FBXL17: variants seen among roughly 807,000 people sequenced by gnomAD.
The protein encoded by FBXL17 is F-box/LRR-repeat protein 17.
FBXL17 carries 22 observed loss-of-function variants against 66.2 expected under a neutral mutation model. The observed-to-expected ratio is 0.33, with a 90% confidence interval of 0.24 to 0.47. The LOEUF (loss-of-function observed/expected upper bound fraction) is 0.47, where lower values mean the gene tolerates loss of function less well. Among genes scored for constraint, FBXL17 ranks in the 20% least tolerant of loss-of-function variants. The probability of loss-of-function intolerance (pLI) is 1.00; values close to 1 mark genes in which losing one functional copy is unlikely to be tolerated. For synonymous variants in FBXL17, 474 were observed against 400.5 expected (o/e 1.18, Z -2.19); for missense variants, 878 against 948.2 (o/e 0.93, Z 0.97).
At chr5:107,885,422 T>G (rs949813150) in intron 7 of FBXL17, among the ~76,000 whole-genome samples, 1 of 152,190 alleles carries the variant, frequency 6.6e-6, no homozygotes, top group Non-Finnish European at 1.5e-5. Context: ...TCTGACAATA[T>G]ACCTCTAATA....
chr5:108,197,907 A>T (rs1753742365), intron 5 of FBXL17, among the ~76,000 whole-genome samples: 1 of 152,180 alleles, frequency 6.6e-6, no homozygotes, highest in South Asian at 2.1e-4. Flanking sequence ...CTCAACCCCA[A>T]GTTAATAAAA....
chr5:107,893,782 G>T (rs1201605615), intron 7 of FBXL17, among the ~76,000 whole-genome samples: 1 of 152,074 alleles, frequency 6.6e-6, no homozygotes, highest in Non-Finnish European at 1.5e-5. Context: ...CTGGAGTTTT[G>T]CCACCATTGA....
rs756600796 is a variant in FBXL17, at chr5:107,881,082, C to T, written c.1920G>A (p.Gln640=). 2.5e-6 allele frequency: 4 copies of T among 1,614,094 alleles called. No homozygotes were observed. Among genetic ancestry groups the T allele is most frequent in the Non-Finnish European group, 2.5e-6 (3 of 1,179,968 alleles). The stretch of plus-strand genomic sequence containing the variant: ...CCAAATATCTCAGAGACTTGCTGCT[C>T]TGTGCAATCAGGGTGGCTCCTTGGT... ...ITDQGATLIA[Q]SSKSLRYLGL... is the part of the protein sequence containing the mutation. Residue 640 remains glutamine (Q), a synonymous_variant, in exon 8 of 9, where the codon CAG becomes CAA. Transcript: ENST00000542267.
chr5:108,100,028 T>A (rs1472675568), intron 6 of FBXL17, among the ~76,000 whole-genome samples: 1 of 152,176 alleles, frequency 6.6e-6, no homozygotes, highest in Non-Finnish European at 1.5e-5. Flanking sequence ...TAACCTATAT[T>A]AGAAATTAAA....
chr5:108,061,681 C>A (rs1223193396), intron 6 of FBXL17, among the ~76,000 whole-genome samples: 1 of 152,082 alleles, frequency 6.6e-6, no homozygotes, highest in Non-Finnish European at 1.5e-5. Flanking sequence ...TGGATTATGA[C>A]AAGAATGCAC....
At chr5:108,099,114 C>A (rs1159376751) in intron 6 of FBXL17, among the ~76,000 whole-genome samples, 4 of 152,086 alleles carry the variant, frequency 2.6e-5, no homozygotes. Context: ...TAGAGTAAAG[C>A]TTTTCCAGTG....
intron 4 of FBXL17, among the ~76,000 whole-genome samples, chr5:108,288,963 G>T (rs1404387642): frequency 2.0e-5 from 3 of 151,992 alleles, no homozygotes; most frequent in Non-Finnish European, 4.4e-5. Flanking sequence ...GGAAGAAAAT[G>T]AAAACTGCAG....
intron 8 of FBXL17, among the ~76,000 whole-genome samples, chr5:107,867,471 G>A (rs956162068): frequency 5.9e-5 from 9 of 152,322 alleles, no homozygotes; most frequent in East Asian, 1.9e-4. Context: ...GACGTGAGTC[G>A]GTTTCCAAAA....
intron 5 of FBXL17, among the ~76,000 whole-genome samples, chr5:108,210,000 G>A (rs1754296896): frequency 6.6e-6 from 1 of 152,150 alleles, no homozygotes. Flanking sequence ...CTTGTTACTG[G>A]TTTATTCAGG....
intron 4 of FBXL17, among the ~76,000 whole-genome samples, chr5:108,226,659 T>C (rs1755113985): frequency 6.6e-6 from 1 of 152,166 alleles, no homozygotes; most frequent in South Asian, 2.1e-4. Context: ...CTGAATGATA[T>C]TAACAGCTCA....
intron 1 of FBXL17, among the ~76,000 whole-genome samples, chr5:108,377,121 A>T (rs1271235158): frequency 6.6e-6 from 1 of 152,216 alleles, no homozygotes; most frequent in African/African-American, 2.4e-5. Context: ...ATGCTCAAAC[A>T]GCTTGAGCCT....
intron 1 of FBXL17, among the ~76,000 whole-genome samples, chr5:108,375,328 A>T (rs1412147130): frequency 6.6e-6 from 1 of 151,562 alleles, no homozygotes. Context: ...ATAAGCTATG[A>T]TCACACCACT....
At chr5:107,928,772 T>C (rs1750624319) in intron 7 of FBXL17, among the ~76,000 whole-genome samples, 1 of 152,298 alleles carries the variant, frequency 6.6e-6, no homozygotes, top group East Asian at 1.9e-4. Context: ...TTTCACTTGC[T>C]ACCTAGCTGT....
chr5:107,873,014 G>C lies in FBXL17; in HGVS notation c.1965+8023C>G, dbSNP rs143417695. Among the ~76,000 whole-genome samples, 328 of 152,346 alleles carry C rather than the reference G, an allele frequency of 2.2e-3. 1 individual carries two copies. Among genetic ancestry groups the C allele is most frequent in the African/African-American group, 7.3e-3 (302 of 41,582 alleles). On this transcript the variant is annotated intron_variant, in intron 8 of 8. Transcript: ENST00000542267. ...AATGGCCACAACATTTGGTGACACA[G>C]AGGCCACTGCTGACCTTGAAAAGAG...
rs906166633 is a variant in FBXL17, at chr5:108,297,824, G to A, written c.1506+50575C>T. The A allele has an allele frequency of 1.4e-5, 11 of 809,692 alleles. No homozygotes were observed. The South Asian group carries it at 6.3e-4, about 46-fold the overall frequency. The allele number at this position is 809,692 out of a possible 1,614,324, so 50.2% of individuals were successfully genotyped here. The stretch of plus-strand genomic sequence containing the variant: ...TAACTCATGCTTTAGAATTCTTACT[G>A]AATAAGCATTTAACATTCTATTCCT... On this transcript the variant is annotated intron_variant, in intron 4 of 8. Coordinates refer to ENST00000542267, the MANE Select transcript of FBXL17 (RefSeq NM_001163315.3).
chr5:108,009,308 T>TAGATAGATAGATAGATATATACAC, intron 7 of FBXL17, among the ~76,000 whole-genome samples: 1 of 42,208 alleles, frequency 2.4e-5, no homozygotes, highest in African/African-American at 8.8e-5. Context: ...TATACATATA[T>TAGATAGATAGATAGATATATACAC]ACATACACAT....
At chr5:108,154,232 G>C (rs1295244298) in intron 6 of FBXL17, among the ~76,000 whole-genome samples, 1 of 138,148 alleles carries the variant, frequency 7.2e-6, no homozygotes, top group African/African-American at 2.8e-5. Context: ...AGAAAACAGA[G>C]ACACGTAAAT....
At chr5:107,882,272 A>C (rs549363567) in intron 7 of FBXL17, among the ~76,000 whole-genome samples, 134 of 152,352 alleles carry the variant, frequency 8.8e-4, no homozygotes, top group Admixed American at 1.5e-3. Flanking sequence ...TTTAGAGTTA[A>C]GTACTCATGT....
At chr5:108,292,596 T>C (rs1758158552) in intron 4 of FBXL17, among the ~76,000 whole-genome samples, 1 of 152,178 alleles carries the variant, frequency 6.6e-6, no homozygotes, top group African/African-American at 2.4e-5. Flanking sequence ...CTTTATAAAC[T>C]AGCTGAGGGA....
Sources: allele counts gnomAD v4.1 joint callset (sites outside exome capture counted in the v4.1 genomes callset), GRCh38; gene constraint gnomAD v4.1.1; transcripts MANE v1.5; gene names NCBI Gene and HGNC (gene_info 2026-07-23, HGNC 2026-07-21).